Variants in GRM8 observed in about 807,000 individuals in gnomAD.
GRM8 encodes the protein glutamate metabotropic receptor 8, also known as metabotropic glutamate receptor 8.
Under a neutral mutation model 87.2 loss-of-function variants are expected in GRM8, and 47 were observed. The observed-to-expected ratio is 0.54, with a 90% CI of 0.43 to 0.69. The LOEUF is 0.69. Among genes scored for constraint, GRM8 ranks in the 30% least tolerant of loss-of-function variants. The pLI is 0.00. For synonymous variants in GRM8, 396 were observed against 404.5 expected, an observed-to-expected ratio of 0.98 and a Z score of 0.25; for missense variants, 1,019 against 1,139.2, an observed-to-expected ratio of 0.89 and a Z score of 1.52.
chr7:126,662,998 C>T (rs1272034628), intron 7 of GRM8, among the ~76,000 whole-genome samples: 10 of 152,214 alleles, frequency 6.6e-5, no homozygotes, highest in Admixed American at 2.0e-4. Flanking sequence ...AGACTCTCAG[C>T]CATGTTCACT....
At chr7:126,866,807 G>A (rs375173) in intron 6 of GRM8, among the ~76,000 whole-genome samples, 39,770 of 151,554 alleles carry the variant, frequency 0.26, 6,608 homozygotes, top group East Asian at 0.57. Context: ...GGTCAGGCTG[G>A]TCTCAAACTA....
At chr7:126,513,091 C>A (rs1185024803) in intron 9 of GRM8, among the ~76,000 whole-genome samples, 5 of 152,166 alleles carry the variant, frequency 3.3e-5, no homozygotes, top group East Asian at 1.9e-4. Context: ...ATGTTTCAGA[C>A]AATGGAATTA....
At chr7:126,628,607 T>G (rs6957468) in intron 7 of GRM8, among the ~76,000 whole-genome samples, 46,832 of 152,072 alleles carry the variant, frequency 0.31, 8,076 homozygotes, top group East Asian at 0.43. Context: ...ATTTTATAAA[T>G]GTGTAACAAT....
chr7:127,157,552 T>C (rs1792814736), intron 2 of GRM8, among the ~76,000 whole-genome samples: 1 of 152,162 alleles, frequency 6.6e-6, no homozygotes, highest in Non-Finnish European at 1.5e-5. Context: ...GTAATAGGTG[T>C]TCTCCCTTAT....
intron 8 of GRM8, among the ~76,000 whole-genome samples, chr7:126,544,721 G>C (rs1015251978): frequency 1.3e-5 from 2 of 151,942 alleles, no homozygotes; most frequent in Non-Finnish European, 1.5e-5. Context: ...TATTGGTCAG[G>C]CTGGTCTCAA....
Position 126,617,245 on chromosome 7 carries a change from C to A in GRM8, c.1358-7747G>T, listed in dbSNP as rs536987345. Among the ~76,000 whole-genome samples the A allele has an allele frequency of 9.6e-4, 146 of 152,252 alleles. 1 individual carries two copies. Among genetic ancestry groups the A allele is most frequent in the Non-Finnish European group, 4.9e-4 (33 of 68,020 alleles). ...ACATACGAAAATCAATAAACGTAAT[C>A]CAGCATATAAACAGAACCAAAGACA... On this transcript the variant is annotated intron_variant, in intron 7 of 10. Coordinates refer to ENST00000339582, the MANE Select transcript of GRM8 (RefSeq NM_000845.3).
intron 3 of GRM8, among the ~76,000 whole-genome samples, chr7:127,039,216 GGTCTTTA>G (rs1818122715): frequency 6.6e-6 from 1 of 152,148 alleles, no homozygotes; most frequent in South Asian, 2.1e-4. Flanking sequence ...TTAGTGACAA[GGTCTTTA>G]GAAAGGTTAA....
At chr7:126,538,571 T>C (rs895212937) in intron 8 of GRM8, among the ~76,000 whole-genome samples, 3 of 152,104 alleles carry the variant, frequency 2.0e-5, no homozygotes, top group African/African-American at 7.2e-5. Flanking sequence ...AACTGATACT[T>C]AGTCATACCA....
chr7:127,185,595 A>G (rs1794690535), intron 2 of GRM8, among the ~76,000 whole-genome samples: 1 of 152,012 alleles, frequency 6.6e-6, no homozygotes, highest in African/African-American at 2.4e-5. Context: ...AGCATAATCT[A>G]CGAAAAAAAA....
chr7:127,015,417 T>A (rs1399436573), intron 3 of GRM8, among the ~76,000 whole-genome samples: 1 of 152,146 alleles, frequency 6.6e-6, no homozygotes, highest in Non-Finnish European at 1.5e-5. Flanking sequence ...GGAGCTGGAA[T>A]GTTTCTTTGG....
intron 7 of GRM8, among the ~76,000 whole-genome samples, chr7:126,617,417 A>T (rs1297706654): frequency 6.6e-6 from 1 of 152,194 alleles, no homozygotes; most frequent in Non-Finnish European, 1.5e-5. Flanking sequence ...CACAGCCAAT[A>T]TCATACTGAA....
At chr7:126,942,298 A>C (rs1461652516) in intron 3 of GRM8, among the ~76,000 whole-genome samples, 1 of 152,160 alleles carries the variant, frequency 6.6e-6, no homozygotes, top group Admixed American at 6.5e-5. Context: ...GCAGGCCTAC[A>C]TGCTATTATT....
intron 6 of GRM8, among the ~76,000 whole-genome samples, chr7:126,897,951 G>A (rs972902448): frequency 6.6e-6 from 1 of 152,088 alleles, no homozygotes; most frequent in Non-Finnish European, 1.5e-5. Flanking sequence ...CTGGAAAACT[G>A]GTAAGACAGA....
In GRM8 at chr7:126,918,176, C is replaced by T. The variant is rs540071813; in HGVS notation, c.728-13493G>A. 2.6e-5 allele frequency among the ~76,000 whole-genome samples: 4 copies of T among 152,254 alleles called. No homozygotes were observed. In the East Asian group the frequency reaches 7.7e-4, roughly 29 times the overall value. On this transcript the variant is annotated intron_variant, in intron 3 of 10. Coordinates refer to ENST00000339582, the MANE Select transcript of GRM8 (RefSeq NM_000845.3). ...AGTAAGATTTACTGGTTCTTGCCAG[C>T]GGCCTTGGAATTACGTAGCCAGAGA...
At chr7:127,049,018 G>A (rs916563267) in intron 3 of GRM8, among the ~76,000 whole-genome samples, 6 of 152,158 alleles carry the variant, frequency 3.9e-5, no homozygotes, top group African/African-American at 1.4e-4. Flanking sequence ...GGAACTAGAG[G>A]CTCGCCATTA....
At chr7:126,916,207 C>T (rs543486279) in intron 3 of GRM8, among the ~76,000 whole-genome samples, 341 of 152,264 alleles carry the variant, frequency 2.2e-3, no homozygotes, top group African/African-American at 7.8e-3. Context: ...GACTTTAAAA[C>T]AGCATTAGAC....
intron 7 of GRM8, among the ~76,000 whole-genome samples, chr7:126,683,277 A>G (rs1482485887): frequency 6.6e-6 from 1 of 152,164 alleles, no homozygotes; most frequent in Non-Finnish European, 1.5e-5. Context: ...CTTAGTTTAA[A>G]TCTAACCAGC....
At chr7:126,693,923 G>A (rs1809089415) in intron 7 of GRM8, among the ~76,000 whole-genome samples, 3 of 151,940 alleles carry the variant, frequency 2.0e-5, no homozygotes, top group Non-Finnish European at 4.4e-5. Context: ...TCAGTCAAAT[G>A]TAGTTTCTTT....
At chr7:126,605,213 T>G (rs78537888) in intron 8 of GRM8, among the ~76,000 whole-genome samples, 1 of 152,168 alleles carries the variant, frequency 6.6e-6, no homozygotes, top group Non-Finnish European at 1.5e-5. Context: ...GGTTACAATA[T>G]GTTTTGTAAT....
Sources: allele counts gnomAD v4.1 joint callset (sites outside exome capture counted in the v4.1 genomes callset), GRCh38; gene constraint gnomAD v4.1.1; transcripts MANE v1.5; gene names NCBI Gene and HGNC (gene_info 2026-07-23, HGNC 2026-07-21).